The following PKD1L3 variants were observed in gnomAD, a reference collection of about 807,000 sequenced individuals.
The protein encoded by PKD1L3 is polycystin 1 like 3, transient receptor potential channel interacting, also known as polycystin-1-like protein 3.
PKD1L3 carries 239 observed loss-of-function variants against 184.1 expected under a neutral mutation model. The observed-to-expected ratio is 1.30, with a 90% CI of 1.17 to 1.45. PKD1L3 has a LOEUF of 1.45. Ranked by LOEUF, PKD1L3 falls within the 40% of genes most tolerant of loss-of-function variation. PKD1L3 has a pLI of 0.00. For synonymous variants in PKD1L3, 996 were observed against 778.8 expected, an observed-to-expected ratio of 1.28 and a Z score of -4.64; for missense variants, 2,660 against 2,067.2, an observed-to-expected ratio of 1.29 and a Z score of -5.56.
chr16:71,931,275 T>G (rs1434075884), intron 28 of PKD1L3: 1 of 152,052 alleles, frequency 6.6e-6, no homozygotes, highest in East Asian at 1.9e-4. Context: ...CCCCTAGTTA[T>G]TGGAGCTAGA....
chr16:71,986,994 G>A (rs1393483584), intron 4 of PKD1L3, among the ~76,000 whole-genome samples: 2 of 133,614 alleles, frequency 1.5e-5, no homozygotes, highest in African/African-American at 3.0e-5. Context: ...GCACGATCTC[G>A]GCTCACTGCA....
rs369891442 is a variant in PKD1L3, at chr16:71,930,100, G to A, written c.5010C>T (p.Phe1670=). 96 of 1,551,350 alleles carry A rather than the reference G, an allele frequency of 6.2e-5. No individual in the cohort carries two copies. Among genetic ancestry groups the A allele is most frequent in the African/African-American group, 2.3e-4 (17 of 73,034 alleles). ...CAAAGGCCATGAGAATGGCCGAAACGAAAAGATTAATTACCACAAGTACCA... is the reference window on the plus strand; with the variant it reads ...CAAAGGCCATGAGAATGGCCGAAACAAAAAGATTAATTACCACAAGTACCA... ...ILMVLVVINL[F]VSAILMAFGK... The change falls in exon 29 of 30, where the codon TTC becomes TTT. Residue 1670 remains phenylalanine, a synonymous_variant. Coordinates refer to ENST00000620267, the MANE Select transcript of PKD1L3 (RefSeq NM_181536.2).
chr16:71,977,111 G>T, intron 11 of PKD1L3, 125 bp downstream of exon 11: 2 of 738,620 alleles, frequency 2.7e-6, no homozygotes, highest in Non-Finnish European at 4.5e-6. Flanking sequence ...TACTTAAGAG[G>T]CTAAGGCAGG....
chr16:71,998,405 A>T lies in PKD1L3; in HGVS notation c.296-11T>A. 1 of 1,543,442 alleles carries T rather than the reference A, an allele frequency of 6.5e-7. No homozygotes were observed. The highest frequency in any genetic ancestry group is 1.2e-5 in the South Asian group (1 of 83,040). On this transcript the variant is annotated splice_polypyrimidine_tract_variant and intron_variant, in intron 1 of 29. Coordinates refer to ENST00000620267, the MANE Select transcript of PKD1L3 (RefSeq NM_181536.2). ...TGGCTGCAACGTCTGCTGAGGGGAG[A>T]TCAGACGCAGATGAGCCTCATACTC...
At chr16:71,935,044 C>T (rs569562200) in intron 26 of PKD1L3, among the ~76,000 whole-genome samples, 12 of 152,354 alleles carry the variant, frequency 7.9e-5, no homozygotes, top group African/African-American at 2.9e-4. Flanking sequence ...GATTATTTGT[C>T]GTGCGTTAGG....
At chr16:71,958,956 G>A (rs2039162299) in intron 16 of PKD1L3, among the ~76,000 whole-genome samples, 4 of 150,874 alleles carry the variant, frequency 2.7e-5, no homozygotes, top group Admixed American at 2.0e-4. Flanking sequence ...GCATGGCAGC[G>A]TGTGCCTGTA....
intron 4 of PKD1L3, among the ~76,000 whole-genome samples, chr16:71,987,642 T>C (rs1182010096): frequency 6.6e-6 from 1 of 152,106 alleles, no homozygotes; most frequent in Non-Finnish European, 1.5e-5. Context: ...CCCAAAGTGC[T>C]GGGATTACAG....
intron 5 of PKD1L3, among the ~76,000 whole-genome samples, 184 bp downstream of exon 5, chr16:71,986,037 T>C (rs544477611): frequency 1.3e-5 from 2 of 152,304 alleles, no homozygotes; most frequent in Admixed American, 6.5e-5. Context: ...TAATGAAACG[T>C]TGGGCTGTAT....
intron 25 of PKD1L3, among the ~76,000 whole-genome samples, chr16:71,936,791 C>G (rs2038196056): frequency 6.6e-6 from 1 of 152,084 alleles, no homozygotes; most frequent in African/African-American, 2.4e-5. Flanking sequence ...TTTTTGAGTG[C>G]TTGCTCTTTG....
intron 4 of PKD1L3, among the ~76,000 whole-genome samples, chr16:71,988,224 T>A (rs9928317): frequency 6.6e-6 from 1 of 151,824 alleles, no homozygotes; most frequent in East Asian, 1.9e-4. Flanking sequence ...AAATCGTGTC[T>A]CCTTCTGTCA....
chr16:71,963,357 G>A lies in PKD1L3; in HGVS notation c.2466-6C>T. The A allele has an allele frequency of 1.9e-6, 3 of 1,544,222 alleles. No homozygotes were observed. Among genetic ancestry groups the A allele is most frequent in the Non-Finnish European group, 2.6e-6 (3 of 1,143,162 alleles). On this transcript the variant is annotated splice_polypyrimidine_tract_variant and splice_region_variant and intron_variant, in intron 15 of 29. Coordinates refer to ENST00000620267, the MANE Select transcript of PKD1L3 (RefSeq NM_181536.2). ...CAATTACCTGGCTGACATACCTATA[G>A]TAAAATGAAGATAACCACATTAGGG... is the stretch of plus-strand genomic sequence containing the variant.
At chr16:71,978,068 C>T (rs2039998167) in intron 10 of PKD1L3, among the ~76,000 whole-genome samples, 187 bp downstream of exon 10, 1 of 152,170 alleles carries the variant, frequency 6.6e-6, no homozygotes, top group Non-Finnish European at 1.5e-5. Context: ...GCCACTGCGC[C>T]CAGCCCTTTA....
intron 16 of PKD1L3, among the ~76,000 whole-genome samples, chr16:71,961,353 C>G (rs890382961): frequency 5.9e-5 from 9 of 152,116 alleles, no homozygotes; most frequent in African/African-American, 2.2e-4. Context: ...GAACTCCTGA[C>G]TTCAGGTGAT....
chr16:71,983,406 C>T (rs1268273879), intron 6 of PKD1L3, among the ~76,000 whole-genome samples: 2 of 152,016 alleles, frequency 1.3e-5, no homozygotes, highest in African/African-American at 4.8e-5. Flanking sequence ...TTCAGCCTCC[C>T]AAAGTGCTGG....
At chr16:71,980,821 CGA>C (rs2040121108) in intron 7 of PKD1L3, among the ~76,000 whole-genome samples, 1 of 152,084 alleles carries the variant, frequency 6.6e-6, no homozygotes, top group Non-Finnish European at 1.5e-5. Flanking sequence ...GGCAACAGAG[CGA>C]GACTCTGTCT....
chr16:71,936,129 G>GA (rs1211272892), intron 25 of PKD1L3, among the ~76,000 whole-genome samples: 123 of 143,368 alleles, frequency 8.6e-4, no homozygotes, highest in Middle Eastern at 3.7e-3. Context: ...GCCTGAGAAT[G>GA]AAAAAAAAAA....
rs1428086827 is a variant in PKD1L3, at chr16:71,994,674, T to A, written c.419-1342A>T. On this transcript the variant is annotated intron_variant, in intron 2 of 29. Transcript: ENST00000620267. ...ATCAGCTCCAATTCTTCTCCTCCCCTCTTTTTCCCTACATTTAGGGATTGC... is the reference window on the plus strand; with the variant it reads ...ATCAGCTCCAATTCTTCTCCTCCCCACTTTTTCCCTACATTTAGGGATTGC... Among the ~76,000 whole-genome samples the A allele has an allele frequency of 2.0e-5, 3 of 152,112 alleles. No homozygotes were observed. The East Asian group carries it at 5.8e-4, about 29-fold the overall frequency.
chr16:71,966,389 T>C (rs781315159), intron 15 of PKD1L3, among the ~76,000 whole-genome samples: 4 of 151,882 alleles, frequency 2.6e-5, no homozygotes, highest in Non-Finnish European at 5.9e-5. Flanking sequence ...GCACATCTCA[T>C]ACAGTAATTC....
chr16:71,940,728 G>C (rs892873180), intron 24 of PKD1L3, among the ~76,000 whole-genome samples: 4 of 152,256 alleles, frequency 2.6e-5, no homozygotes, highest in Middle Eastern at 3.4e-3. Flanking sequence ...TCAAACTCCT[G>C]ACTTCAGGTC....
Sources: allele counts gnomAD v4.1 joint callset (sites outside exome capture counted in the v4.1 genomes callset), GRCh38; gene constraint gnomAD v4.1.1; transcripts MANE v1.5; gene names NCBI Gene and HGNC (gene_info 2026-07-23, HGNC 2026-07-21).